RABEP1: variants seen among roughly 807,000 people sequenced by gnomAD.
RABEP1 encodes rabaptin, RAB GTPase binding effector protein 1.
A neutral mutation model predicts 123.4 loss-of-function variants in RABEP1; 51 were observed. The ratio of observed to expected loss-of-function variants is 0.41; its 90% CI spans 0.33 to 0.52. The LOEUF (loss-of-function observed/expected upper bound fraction) is 0.52, where lower values mean the gene tolerates loss of function less well. Ranked by LOEUF, RABEP1 falls within the 20% of genes least tolerant of loss-of-function variation. The pLI, the probability that RABEP1 is intolerant of heterozygous loss-of-function variation, is 0.16. For synonymous variants in RABEP1, 347 were observed against 355.2 expected (o/e 0.98, Z 0.26); for missense variants, 888 against 996.3 (o/e 0.89, Z 1.46).
intron 15 of RABEP1, among the ~76,000 whole-genome samples, chr17:5,379,349 C>T (rs185114536): frequency 9.8e-5 from 15 of 152,330 alleles, no homozygotes; most frequent in Admixed American, 8.5e-4. Context: ...CAGATGTCCC[C>T]GCGCAGTGCC....
intron 1 of RABEP1, 121 bp downstream of exon 1, chr17:5,282,641 C>T (rs1373337127): frequency 3.4e-5 from 20 of 591,180 alleles, no homozygotes; most frequent in Non-Finnish European, 4.0e-5. Flanking sequence ...GTGACCCCGC[C>T]GGGCGGAGGC....
intron 8 of RABEP1, among the ~76,000 whole-genome samples, chr17:5,355,449 T>A (rs9900444): frequency 6.6e-6 from 1 of 152,210 alleles, no homozygotes; most frequent in Non-Finnish European, 1.5e-5. Flanking sequence ...TAGCATGGCA[T>A]ACAAGGGCAT....
At chr17:5,297,514 G>T (rs2075094347) in intron 1 of RABEP1, among the ~76,000 whole-genome samples, 1 of 152,156 alleles carries the variant, frequency 6.6e-6, no homozygotes, top group Non-Finnish European at 1.5e-5. Context: ...GAACCAGGCA[G>T]GTCAGTGTTT....
At chr17:5,379,904 A>G (rs980304492) in intron 15 of RABEP1, among the ~76,000 whole-genome samples, 2 of 152,056 alleles carry the variant, frequency 1.3e-5, no homozygotes, top group East Asian at 1.9e-4. Flanking sequence ...GTGGCTCCCA[A>G]CGTGCTGTGC....
At chr17:5,312,111 G>A (rs970853902) in intron 2 of RABEP1, among the ~76,000 whole-genome samples, 2 of 152,180 alleles carry the variant, frequency 1.3e-5, no homozygotes, top group Non-Finnish European at 2.9e-5. Flanking sequence ...TTGTTACACT[G>A]TTATTAGTCA....
chr17:5,326,637 G>A (rs1409520935), intron 2 of RABEP1, among the ~76,000 whole-genome samples: 1 of 152,150 alleles, frequency 6.6e-6, no homozygotes, highest in East Asian at 1.9e-4. Flanking sequence ...TAAACGAAGT[G>A]GGTGATGATA....
chr17:5,310,998 C>CG (rs1386324392), intron 2 of RABEP1, among the ~76,000 whole-genome samples: 8 of 151,856 alleles, frequency 5.3e-5, no homozygotes, highest in Admixed American at 1.3e-4. Flanking sequence ...CTAGTAGAGA[C>CG]GGGGTCTCAC....
chr17:5,331,924 G>C, intron 2 of RABEP1, 25 bp from the exon 3 acceptor site: 1 of 1,599,236 alleles, frequency 6.3e-7, no homozygotes, highest in Non-Finnish European at 8.6e-7. Context: ...AACATTAATG[G>C]ACTATCTTTT....
chr17:5,373,692 A>AC (rs1279326588), intron 13 of RABEP1, among the ~76,000 whole-genome samples: 4 of 110,214 alleles, frequency 3.6e-5, no homozygotes, highest in Admixed American at 2.2e-4. Context: ...TACACCAGCT[A>AC]AACACACACA....
chr17:5,299,189 C>T (rs1371870408), intron 1 of RABEP1, among the ~76,000 whole-genome samples: 2 of 152,064 alleles, frequency 1.3e-5, no homozygotes, highest in Non-Finnish European at 1.5e-5. Flanking sequence ...TCATTTTTGG[C>T]CAGTGTGTGG....
At chr17:5,379,500 CCA>C (rs549892201) in intron 15 of RABEP1, among the ~76,000 whole-genome samples, 136 of 152,290 alleles carry the variant, frequency 8.9e-4, no homozygotes, top group African/African-American at 2.8e-3. Flanking sequence ...CCCTCTGTTG[CCA>C]CAGTCTTGAT....
intron 1 of RABEP1, among the ~76,000 whole-genome samples, chr17:5,286,798 C>T (rs562085463): frequency 2.6e-5 from 4 of 151,974 alleles, no homozygotes; most frequent in African/African-American, 4.8e-5. Flanking sequence ...AAACAACAAA[C>T]GTAAGCAAAT....
At chr17:5,299,719 C>CTTTTCTTTTTTTTTTTTTTTTTTTTTTTT (rs2075116264) in intron 1 of RABEP1, among the ~76,000 whole-genome samples, 3 of 98,836 alleles carry the variant, frequency 3.0e-5, no homozygotes, top group Non-Finnish European at 3.8e-5. Flanking sequence ...TTTTTCTTTT[C>CTTTTCTTTTTTTTTTTTTTTTTTTTTTTT]TTTTTCTTTT....
chr17:5,293,230 T>G (rs1175384656), intron 1 of RABEP1, among the ~76,000 whole-genome samples: 1 of 151,890 alleles, frequency 6.6e-6, no homozygotes. Flanking sequence ...GAGGTTGCAG[T>G]GAGCCGAGAT....
intron 13 of RABEP1, among the ~76,000 whole-genome samples, chr17:5,373,693 AACACACACACACACACACAC>A (rs55736303): frequency 6.4e-4 from 86 of 135,330 alleles, no homozygotes; most frequent in East Asian, 4.4e-3. Context: ...ACACCAGCTA[AACACACACACACACACACAC>A]ACACACACAC....
chr17:5,313,675 G>A (rs1190040409), intron 2 of RABEP1, among the ~76,000 whole-genome samples: 1 of 152,166 alleles, frequency 6.6e-6, no homozygotes, highest in Non-Finnish European at 1.5e-5. Context: ...ATCTAAACCC[G>A]GTAAATGGGC....
chr17:5,347,607 ACT>A (rs1347543736), intron 6 of RABEP1, among the ~76,000 whole-genome samples: 2 of 151,990 alleles, frequency 1.3e-5, no homozygotes, highest in African/African-American at 2.4e-5. Flanking sequence ...CCTAAGTAAC[ACT>A]CTGTTTTTAA....
At chr17:5,320,421 C>CAAAAAAAAAAAAAAAAAAAAAAA (rs60202531) in intron 2 of RABEP1, among the ~76,000 whole-genome samples, 2 of 84,650 alleles carry the variant, frequency 2.4e-5, no homozygotes, top group Non-Finnish European at 2.3e-5. Flanking sequence ...GCTAACACAC[C>CAAAAAAAAAAAAAAAAAAAAAAA]AAAAAAAAAA....
intron 12 of RABEP1, 86 bp downstream of exon 12, chr17:5,368,554 T>C: frequency 1.0e-6 from 1 of 957,550 alleles, no homozygotes; most frequent in Non-Finnish European, 1.6e-6. Flanking sequence ...GATAGGAATT[T>C]ATCATCCTGT....
Sources: gnomAD v4.1 joint callset for allele counts (sites outside exome capture counted in the v4.1 genomes callset) on GRCh38, gnomAD v4.1.1 for gene constraint, MANE v1.5 for transcripts, NCBI Gene and HGNC (gene_info 2026-07-23, HGNC 2026-07-21) for gene names.